SPIDR: variants seen among roughly 807,000 people sequenced by gnomAD.
SPIDR encodes scaffold protein involved in DNA repair, also known as DNA repair-scaffolding protein.
In SPIDR, 93 loss-of-function variants were observed where a neutral mutation model predicts 104.6. The observed-to-expected ratio is 0.89, with a 90% CI of 0.75 to 1.06. The LOEUF is 1.06. Ranked by LOEUF, SPIDR falls within the 50% of genes least tolerant of loss-of-function variation. The pLI is 0.00. For missense variants in SPIDR, 1,154 were observed against 1,111.2 expected, an observed-to-expected ratio of 1.04 and a Z score of -0.55; for synonymous variants, 431 against 416.9, an observed-to-expected ratio of 1.03 and a Z score of -0.41.
At chr8:47,511,500 T>G (rs1223996163) in intron 8 of SPIDR, 1 of 779,258 alleles carries the variant, frequency 1.3e-6, no homozygotes, top group Non-Finnish European at 2.4e-6. Flanking sequence ...GCACCTCCCT[T>G]CTGTGGATAG....
At chr8:47,273,999 G>C (rs2035858381) in intron 1 of SPIDR, among the ~76,000 whole-genome samples, 2 of 152,014 alleles carry the variant, frequency 1.3e-5, no homozygotes, top group South Asian at 4.1e-4. Flanking sequence ...TGGCCTTTTT[G>C]CTAAGTGACC....
chr8:47,639,356 G>C (rs138898790), intron 10 of SPIDR, among the ~76,000 whole-genome samples: 209 of 152,318 alleles, frequency 1.4e-3, no homozygotes, highest in African/African-American at 4.4e-3. Context: ...AATTAAGTCT[G>C]CTCTCTAGGG....
At chr8:47,510,953 G>A in intron 8 of SPIDR, 1 of 630,422 alleles carries the variant, frequency 1.6e-6, no homozygotes, top group Non-Finnish European at 2.9e-6. Context: ...GTACAAGGGG[G>A]CAGGAGGGAT....
chr8:47,466,330 C>G (rs139275529), intron 8 of SPIDR, among the ~76,000 whole-genome samples: 68 of 152,284 alleles, frequency 4.5e-4, no homozygotes, highest in African/African-American at 1.4e-3. Flanking sequence ...TTCTGTCAGA[C>G]CACGGCACAA....
At chr8:47,469,319 A>G (rs1586238130) in intron 8 of SPIDR, among the ~76,000 whole-genome samples, 3 of 152,172 alleles carry the variant, frequency 2.0e-5, no homozygotes, top group African/African-American at 4.8e-5. Context: ...CCATTCCTCA[A>G]AGAGCTCAAA....
chr8:47,672,959 C>T (rs900409479), intron 10 of SPIDR, among the ~76,000 whole-genome samples: 1 of 152,226 alleles, frequency 6.6e-6, no homozygotes, highest in African/African-American at 2.4e-5. Context: ...GCCAAGGCAG[C>T]ACTTAAGGCT....
intron 8 of SPIDR, among the ~76,000 whole-genome samples, chr8:47,543,072 T>C (rs2088562260): frequency 6.6e-6 from 1 of 152,212 alleles, no homozygotes; most frequent in African/African-American, 2.4e-5. Flanking sequence ...TATCAGTTTG[T>C]TTAACTATTC....
intron 5 of SPIDR, among the ~76,000 whole-genome samples, chr8:47,312,732 C>G (rs1460482375): frequency 4.6e-5 from 7 of 152,100 alleles, no homozygotes; most frequent in Non-Finnish European, 8.8e-5. Context: ...TTAATTAGAT[C>G]CCATTTGTCA....
intron 1 of SPIDR, 57 bp downstream of exon 1, chr8:47,261,048 C>T: frequency 8.2e-7 from 1 of 1,224,024 alleles, no homozygotes; most frequent in Non-Finnish European, 1.0e-6. Flanking sequence ...GGGGAAGCGG[C>T]GGGCCGGCGC....
intron 5 of SPIDR, among the ~76,000 whole-genome samples, chr8:47,299,643 G>A (rs1165764219): frequency 1.3e-5 from 2 of 152,116 alleles, no homozygotes; most frequent in African/African-American, 4.8e-5. Flanking sequence ...CTAATTTATT[G>A]AGAGTTTTTA....
intron 8 of SPIDR, among the ~76,000 whole-genome samples, chr8:47,510,608 A>T (rs2082168853): frequency 6.6e-6 from 1 of 152,196 alleles, no homozygotes; most frequent in African/African-American, 2.4e-5. Context: ...AAAAAACAAA[A>T]TGTTGTGTAT....
intron 8 of SPIDR, among the ~76,000 whole-genome samples, chr8:47,531,384 A>ATT (rs2085966201): frequency 6.6e-6 from 1 of 152,144 alleles, no homozygotes. Flanking sequence ...TCTGGAAAAT[A>ATT]TCCTGAAGGA....
intron 8 of SPIDR, among the ~76,000 whole-genome samples, chr8:47,497,564 G>A (rs1335592582): frequency 6.6e-6 from 1 of 152,170 alleles, no homozygotes; most frequent in East Asian, 1.9e-4. Flanking sequence ...GGTCAAATAA[G>A]ATACCTTGCA....
intron 10 of SPIDR, among the ~76,000 whole-genome samples, chr8:47,619,641 G>T (rs1016508975): frequency 2.6e-5 from 4 of 151,222 alleles, no homozygotes; most frequent in Admixed American, 2.0e-4. Flanking sequence ...TTAAGGGATG[G>T]GGTCTCACTC....
intron 8 of SPIDR, among the ~76,000 whole-genome samples, chr8:47,482,866 C>T (rs782319192): frequency 1.1e-4 from 17 of 151,956 alleles, no homozygotes; most frequent in Non-Finnish European, 4.4e-5. Context: ...GACAGAGTCT[C>T]GCACTGTCGC....
rs202135800 is a variant in SPIDR at position 47,728,921 on chromosome 8, T to G, written c.2436-12T>G. 9.4e-6 allele frequency: 15 copies of G among 1,596,298 alleles called. No individual in the cohort carries two copies. Among genetic ancestry groups the G allele is most frequent in the Non-Finnish European group, 1.0e-5 (12 of 1,173,202 alleles). ...CCGGGGCCTTGTCTTTCCTTGGCTT[T>G]TCATATACCAGAGGCGCCTTTTCCT... On this transcript the variant is annotated splice_polypyrimidine_tract_variant and intron_variant, in intron 17 of 19. Coordinates refer to ENST00000297423, the MANE Select transcript of SPIDR (RefSeq NM_001080394.4).
chr8:47,485,742 A>G (rs1031295912), intron 8 of SPIDR, among the ~76,000 whole-genome samples: 3 of 152,228 alleles, frequency 2.0e-5, no homozygotes, highest in Non-Finnish European at 2.9e-5. Flanking sequence ...CCAGGCAAAC[A>G]GGGTCTGGAG....
chr8:47,505,043 C>T (rs760194701), intron 8 of SPIDR, among the ~76,000 whole-genome samples: 3 of 152,270 alleles, frequency 2.0e-5, no homozygotes, highest in Non-Finnish European at 4.4e-5. Context: ...TCTGCCCCTA[C>T]TGAAGGGTGC....
At chr8:47,681,017 C>T (rs1371014468) in intron 11 of SPIDR, among the ~76,000 whole-genome samples, 1 of 152,212 alleles carries the variant, frequency 6.6e-6, no homozygotes, top group Non-Finnish European at 1.5e-5. Context: ...GAGCCGAGAT[C>T]ACGCCATTGC....
Sources: allele counts gnomAD v4.1 joint callset (sites outside exome capture counted in the v4.1 genomes callset), GRCh38; gene constraint gnomAD v4.1.1; transcripts MANE v1.5; gene names NCBI Gene and HGNC (gene_info 2026-07-23, HGNC 2026-07-21).